Variants in KANK4 observed in about 807,000 individuals in gnomAD.
The protein encoded by KANK4 is KN motif and ankyrin repeat domain-containing protein 4.
A neutral mutation model predicts 80.8 loss-of-function variants in KANK4; 50 were observed. The ratio of observed to expected loss-of-function variants is 0.62; its 90% CI spans 0.49 to 0.78. KANK4 has a LOEUF of 0.78. Among genes scored for constraint, KANK4 ranks in the 30% least tolerant of loss-of-function variants. KANK4 has a pLI of 0.00. For synonymous variants in KANK4, 465 were observed against 506.9 expected (o/e 0.92, Z 1.11); for missense variants, 1,196 against 1,240.1 (o/e 0.96, Z 0.53).
chr1:62,291,489 T>C (rs867763706), intron 1 of KANK4, among the ~76,000 whole-genome samples: 1 of 152,228 alleles, frequency 6.6e-6, no homozygotes, highest in African/African-American at 2.4e-5. Flanking sequence ...TTGCCCAGGC[T>C]GGAGTGCAGT....
At chr1:62,239,668 C>T (rs1463920446) in intron 9 of KANK4, among the ~76,000 whole-genome samples, 1 of 152,114 alleles carries the variant, frequency 6.6e-6, no homozygotes, top group Non-Finnish European at 1.5e-5. Flanking sequence ...TCCTCACTCC[C>T]CCCACCCCAC....
chr1:62,271,661 G>T, intron 3 of KANK4, 72 bp from the exon 4 acceptor site: 1 of 1,093,648 alleles, frequency 9.1e-7, no homozygotes. Context: ...CCAGGATATT[G>T]CTTTGAGGGG....
At chr1:62,312,974 TCC>T (rs397860819) in intron 1 of KANK4, among the ~76,000 whole-genome samples, 6 of 64,894 alleles carry the variant, frequency 9.2e-5, no homozygotes, top group Admixed American at 1.7e-4. Context: ...ATACAGTGGT[TCC>T]CCCCCAAACC....
Position 62,279,198 on chromosome 1 carries a change from G to GCGCGCACACA in KANK4, c.16+2350_16+2351insTGTGTGCGCG, listed in dbSNP as rs1282615199. On this transcript the variant is annotated intron_variant, in intron 2 of 9. Transcript: ENST00000371153. ...TAGGTGCTTTCCTAAGCTAGCGCGC[G>GCGCGCACACA]CACACACACACACACACACACACAC... 4.4e-3 allele frequency among the ~76,000 whole-genome samples: 645 copies of GCGCGCACACA among 146,270 alleles called. 4 individuals carry two copies. The highest frequency in any genetic ancestry group is 0.014 in the South Asian group (60 of 4,424).
At chr1:62,312,600 T>C (rs1309454299) in intron 1 of KANK4, among the ~76,000 whole-genome samples, 1 of 152,202 alleles carries the variant, frequency 6.6e-6, no homozygotes, top group Admixed American at 6.5e-5. Context: ...GTTCTTCACA[T>C]AGGACTCTCT....
chr1:62,238,557 TC>T (rs1671263957), intron 9 of KANK4, among the ~76,000 whole-genome samples, 176 bp from the exon 10 acceptor site: 1 of 151,740 alleles, frequency 6.6e-6, no homozygotes, highest in African/African-American at 2.4e-5. Context: ...TGCGGTCCCT[TC>T]CACAGAAACA....
At chr1:62,308,110 G>A (rs548000997) in intron 1 of KANK4, among the ~76,000 whole-genome samples, 47 of 152,282 alleles carry the variant, frequency 3.1e-4, no homozygotes, top group African/African-American at 1.1e-3. Context: ...TGGGCCCCAG[G>A]AACCAGCATT....
intron 1 of KANK4, among the ~76,000 whole-genome samples, chr1:62,301,622 C>T (rs1024124172): frequency 6.6e-6 from 1 of 151,974 alleles, no homozygotes; most frequent in African/African-American, 2.4e-5. Context: ...TGCCACTTAC[C>T]AGTGTGTGTT....
intron 1 of KANK4, among the ~76,000 whole-genome samples, chr1:62,296,240 T>C (rs2666509): frequency 0.71 from 107,387 of 152,138 alleles, 39,177 homozygotes; most frequent in African/African-American, 0.89. Context: ...TCCAGCAGAG[T>C]GACTGCCCCA....
intron 1 of KANK4, among the ~76,000 whole-genome samples, chr1:62,285,935 GAGAGGGCCGAAGC>G (rs1198131449): frequency 6.6e-6 from 1 of 152,196 alleles, no homozygotes; most frequent in Non-Finnish European, 1.5e-5. Context: ...TCTAAACATT[GAGAGGGCCGAAGC>G]CGGGACACCA....
intron 9 of KANK4, among the ~76,000 whole-genome samples, chr1:62,247,121 C>T (rs1413671656): frequency 6.7e-6 from 1 of 150,062 alleles, no homozygotes; most frequent in African/African-American, 2.5e-5. Flanking sequence ...GAACTCTTGG[C>T]CTCAAGCAAT....
intron 6 of KANK4, among the ~76,000 whole-genome samples, chr1:62,263,927 C>A (rs1332901643): frequency 2.6e-5 from 4 of 152,210 alleles, no homozygotes; most frequent in Non-Finnish European, 5.9e-5. Context: ...CAGCATTCAG[C>A]TCCTCTGGGA....
intron 1 of KANK4, among the ~76,000 whole-genome samples, chr1:62,300,230 A>C (rs969584449): frequency 6.6e-6 from 1 of 152,168 alleles, no homozygotes; most frequent in Admixed American, 6.5e-5. Context: ...CATGAAGTTC[A>C]ATAGCCCAGT....
At chr1:62,307,297 A>C (rs1314732524) in intron 1 of KANK4, among the ~76,000 whole-genome samples, 1 of 152,010 alleles carries the variant, frequency 6.6e-6, no homozygotes, top group Non-Finnish European at 1.5e-5. Flanking sequence ...AGCCGGGCCA[A>C]CATGGTGAAA....
chr1:62,311,144 CA>C (rs965373417), intron 1 of KANK4, among the ~76,000 whole-genome samples: 3 of 152,068 alleles, frequency 2.0e-5, no homozygotes, highest in Non-Finnish European at 4.4e-5. Context: ...AGAGCTTTCC[CA>C]AACACACTCT....
chr1:62,317,721 G>A (rs1431768278), intron 1 of KANK4, among the ~76,000 whole-genome samples: 5 of 152,190 alleles, frequency 3.3e-5, no homozygotes, highest in South Asian at 2.1e-4. Context: ...GGTTTTCAGG[G>A]TATCTAGTCC....
chr1:62,296,946 G>A (rs1644369229), intron 1 of KANK4, among the ~76,000 whole-genome samples: 1 of 152,148 alleles, frequency 6.6e-6, no homozygotes, highest in African/African-American at 2.4e-5. Flanking sequence ...GCCAGGCTCA[G>A]TGGCTCACGC....
chr1:62,309,050 C>T (rs1024387887), intron 1 of KANK4, among the ~76,000 whole-genome samples: 3 of 152,236 alleles, frequency 2.0e-5, no homozygotes, highest in African/African-American at 4.8e-5. Context: ...GGGCTGCTAT[C>T]ACAAACTACC....
Position 62,237,980 on chromosome 1 carries a change from T to G in KANK4, c.*297A>C. On this transcript the variant is annotated 3_prime_UTR_variant, in exon 10 of 10. Coordinates refer to ENST00000371153, the MANE Select transcript of KANK4 (RefSeq NM_181712.5). ...CTACACAATGTTACAGAGGGTAGAG[T>G]CATGAGGAATTCAAGGCTGAAGATG... 3.2e-6 allele frequency: 1 copy of G among 311,676 alleles called. No homozygotes were observed. The highest frequency in any genetic ancestry group is 5.4e-5 in the East Asian group (1 of 18,464). 19.3% of individuals were successfully genotyped at this position (311,676 alleles called of 1,614,324 possible).
Sources: gnomAD v4.1 joint callset for allele counts (sites outside exome capture counted in the v4.1 genomes callset) on GRCh38, gnomAD v4.1.1 for gene constraint, MANE v1.5 for transcripts, NCBI Gene and HGNC (gene_info 2026-07-23, HGNC 2026-07-21) for gene names.